Variants in GLIS1 observed in about 807,000 individuals in gnomAD.
GLIS1 encodes the protein zinc finger protein GLIS1.
Under a neutral mutation model 63.8 loss-of-function variants are expected in GLIS1, and 24 were observed. The ratio of observed to expected loss-of-function variants is 0.38; its 90% CI spans 0.27 to 0.53. GLIS1 has a LOEUF of 0.53. Among genes scored for constraint, GLIS1 ranks in the 20% least tolerant of loss-of-function variants. GLIS1 has a pLI of 0.85. For missense variants in GLIS1, 1,036 were observed against 1,074.1 expected, an observed-to-expected ratio of 0.96 and a Z score of 0.50; for synonymous variants, 450 against 482.5, an observed-to-expected ratio of 0.93 and a Z score of 0.88.
chr1:53,582,479 C>A (rs1645095076), intron 4 of GLIS1, among the ~76,000 whole-genome samples: 1 of 152,202 alleles, frequency 6.6e-6, no homozygotes, highest in African/African-American at 2.4e-5. Flanking sequence ...TGCTGTGTGA[C>A]CTCCAGCAGG....
At chr1:53,691,415 T>G (rs1646403788) in intron 2 of GLIS1, among the ~76,000 whole-genome samples, 1 of 152,178 alleles carries the variant, frequency 6.6e-6, no homozygotes, top group South Asian at 2.1e-4. Flanking sequence ...GCCTTTTGCC[T>G]GTTGCCCTCA....
intron 2 of GLIS1, among the ~76,000 whole-genome samples, chr1:53,662,880 C>T (rs140983917): frequency 1.7e-3 from 255 of 152,272 alleles, no homozygotes; most frequent in South Asian, 7.9e-3. Context: ...ATCTCCCCGG[C>T]GCTATAAAGC....
At chr1:53,649,614 A>G (rs1645884605) in intron 2 of GLIS1, among the ~76,000 whole-genome samples, 1 of 152,246 alleles carries the variant, frequency 6.6e-6, no homozygotes, top group African/African-American at 2.4e-5. Context: ...CATGACAAGA[A>G]AAAGCTGACT....
intron 4 of GLIS1, among the ~76,000 whole-genome samples, chr1:53,573,007 G>C (rs1356987996): frequency 6.6e-6 from 1 of 152,250 alleles, no homozygotes; most frequent in African/African-American, 2.4e-5. Flanking sequence ...CAAAGGCTCA[G>C]TCACTGTGTT....
At chr1:53,630,653 G>C (rs190924742) in intron 2 of GLIS1, among the ~76,000 whole-genome samples, 10 of 152,232 alleles carry the variant, frequency 6.6e-5, no homozygotes, top group African/African-American at 2.4e-4. Flanking sequence ...GTGCCACCAT[G>C]GCTCGCTAAT....
chr1:53,672,325 C>T (rs1646161084), intron 2 of GLIS1, among the ~76,000 whole-genome samples: 1 of 152,232 alleles, frequency 6.6e-6, no homozygotes, highest in African/African-American at 2.4e-5. Flanking sequence ...ACAAGCCCCG[C>T]CTTCCTTTGT....
At chr1:53,647,882 A>G (rs993999497) in intron 2 of GLIS1, among the ~76,000 whole-genome samples, 3 of 152,188 alleles carry the variant, frequency 2.0e-5, no homozygotes, top group African/African-American at 7.2e-5. Flanking sequence ...CTCAATTAAA[A>G]AAAACTTCCC....
chr1:53,643,199 C>T (rs930729948), intron 2 of GLIS1, among the ~76,000 whole-genome samples: 12 of 152,230 alleles, frequency 7.9e-5, no homozygotes, highest in African/African-American at 2.9e-4. Context: ...GGAGCAGACA[C>T]TTTATTATCC....
intron 4 of GLIS1, among the ~76,000 whole-genome samples, chr1:53,550,050 T>G (rs1474779801): frequency 1.3e-5 from 2 of 152,200 alleles, no homozygotes; most frequent in Middle Eastern, 3.2e-3. Flanking sequence ...GACTCCCTGA[T>G]AGGCATCAGA....
chr1:53,721,831 TA>T (rs1054469388), intron 2 of GLIS1, among the ~76,000 whole-genome samples: 23 of 152,230 alleles, frequency 1.5e-4, no homozygotes, highest in Non-Finnish European at 2.5e-4. Flanking sequence ...AAATATGACA[TA>T]AAATTCAATT....
At chr1:53,734,718 A>T (rs531502443) in intron 2 of GLIS1, among the ~76,000 whole-genome samples, 5 of 152,232 alleles carry the variant, frequency 3.3e-5, no homozygotes, top group African/African-American at 1.2e-4. Context: ...CGCTCTGAAC[A>T]CTGTAAAGCA....
intron 5 of GLIS1, among the ~76,000 whole-genome samples, chr1:53,527,400 G>A (rs917632494): frequency 3.3e-5 from 5 of 152,220 alleles, no homozygotes; most frequent in African/African-American, 1.2e-4. Flanking sequence ...ACAGGCAGGG[G>A]AAGGCCGCCC....
Position 53,509,897 on chromosome 1 carries a change from A to C in GLIS1, c.2014T>G (p.Tyr672Asp). ...PFPTLPSKPS[Y>D]PPFQSPPPPP... ...GGTGGAGGGCTCTGGAAGGGTGGGT[A>C]GGACGGCTTGCTGGGGAGTGTGGGG... The change falls in exon 9 of 11, where the codon TAC (tyrosine) becomes GAC (aspartate). Residue 672 changes from tyrosine to aspartate, a missense_variant. Coordinates refer to ENST00000628545, the MANE Select transcript of GLIS1 (RefSeq NM_001367484.1). The C allele has an allele frequency of 7.6e-7, 1 of 1,308,462 alleles. No individual in the cohort carries two copies. Among genetic ancestry groups the C allele is most frequent in the Non-Finnish European group, 9.8e-7 (1 of 1,020,110 alleles). The allele number at this position is 1,308,462 out of a possible 1,614,324, so 81.1% of individuals were successfully genotyped here.
chr1:53,533,537 A>G (rs903809645), intron 4 of GLIS1, among the ~76,000 whole-genome samples: 2 of 152,228 alleles, frequency 1.3e-5, no homozygotes, highest in African/African-American at 4.8e-5. Flanking sequence ...AGGCTGGGGT[A>G]TAATGAGCAG....
intron 2 of GLIS1, among the ~76,000 whole-genome samples, chr1:53,713,082 G>A (rs962209942): frequency 4.6e-5 from 7 of 152,206 alleles, no homozygotes; most frequent in African/African-American, 1.7e-4. Context: ...GAAAGAAGAG[G>A]TGACAAAGTA....
intron 2 of GLIS1, among the ~76,000 whole-genome samples, chr1:53,695,813 C>T (rs1279654654): frequency 6.6e-6 from 1 of 152,208 alleles, no homozygotes; most frequent in Non-Finnish European, 1.5e-5. Context: ...TTTCATTTAG[C>T]TCTAGCAACT....
At chr1:53,662,104 G>A (rs77041182) in intron 2 of GLIS1, among the ~76,000 whole-genome samples, 1,930 of 152,236 alleles carry the variant, frequency 0.013, 34 homozygotes, top group African/African-American at 0.044. Context: ...AAGGCTTAAC[G>A]GAAAACAAAG....
chr1:53,734,139 G>A (rs1020606491), intron 2 of GLIS1: 49 of 984,846 alleles, frequency 5.0e-5, no homozygotes, highest in Non-Finnish European at 2.2e-5. Flanking sequence ...ATAACGGCGG[G>A]GTTCACATTT....
rs1644621459 is a variant in GLIS1 at position 53,539,638 on chromosome 1, T to C, written c.1321-9686A>G. 6.6e-6 allele frequency among the ~76,000 whole-genome samples: 1 copy of C among 151,716 alleles called. No homozygotes were observed. Among genetic ancestry groups the C allele is most frequent in the Admixed American group, 6.6e-5 (1 of 15,240 alleles). On this transcript the variant is annotated intron_variant, in intron 4 of 10. Coordinates refer to ENST00000628545, the MANE Select transcript of GLIS1 (RefSeq NM_001367484.1). The surrounding 1 kb of genome is among the most constrained non-coding windows in gnomAD (Gnocchi z 5.0). ...AACACACAGGCCAGGACACACATGT[T>C]CACACATATACCCAAAGACGTCCAA...
Sources: gnomAD v4.1 joint callset for allele counts (sites outside exome capture counted in the v4.1 genomes callset) on GRCh38, gnomAD v4.1.1 for gene constraint, Gnocchi (gnomAD v3.1) non-coding constraint, MANE v1.5 for transcripts, NCBI Gene and HGNC (gene_info 2026-07-23, HGNC 2026-07-21) for gene names.